The following SPAG16 variants were observed in gnomAD, a reference collection of about 807,000 sequenced individuals.
SPAG16 encodes sperm associated antigen 16, also known as sperm-associated antigen 16 protein.
A neutral mutation model predicts 80.4 loss-of-function variants in SPAG16; 86 were observed. The observed-to-expected ratio is 1.07, with a 90% CI of 0.90 to 1.28. The LOEUF is 1.28. SPAG16 is among the 50% of genes most tolerant of loss of function. The pLI, the probability that SPAG16 is intolerant of heterozygous loss-of-function variation, is 0.00. For synonymous variants in SPAG16, 294 were observed against 265.9 expected (o/e 1.11, Z -1.03); for missense variants, 870 against 765.3 (o/e 1.14, Z -1.61).
intron 10 of SPAG16, among the ~76,000 whole-genome samples, chr2:213,776,014 G>C (rs1004318117): frequency 2.0e-5 from 3 of 152,132 alleles, no homozygotes; most frequent in African/African-American, 7.2e-5. Flanking sequence ...ATGTAAACTA[G>C]ATAAAGAAAG....
At chr2:213,951,430 G>C (rs1401420155) in intron 12 of SPAG16, among the ~76,000 whole-genome samples, 1 of 152,114 alleles carries the variant, frequency 6.6e-6, no homozygotes, top group Non-Finnish European at 1.5e-5. Context: ...TAAAGGTAGA[G>C]AAACATTCAA....
At chr2:213,613,121 T>C (rs1559309642) in intron 10 of SPAG16, among the ~76,000 whole-genome samples, 2 of 152,216 alleles carry the variant, frequency 1.3e-5, no homozygotes, top group African/African-American at 4.8e-5. Flanking sequence ...TAACCACTTA[T>C]AGTCCAAGCT....
At chr2:213,999,486 C>T (rs1313845505) in intron 12 of SPAG16, among the ~76,000 whole-genome samples, 1 of 152,218 alleles carries the variant, frequency 6.6e-6, no homozygotes, top group East Asian at 1.9e-4. Flanking sequence ...GCTGCAGGGG[C>T]AGGGTGCTCA....
chr2:214,043,262 A>G (rs1220756292), intron 13 of SPAG16, among the ~76,000 whole-genome samples: 1 of 152,046 alleles, frequency 6.6e-6, no homozygotes, highest in Non-Finnish European at 1.5e-5. Flanking sequence ...TTCCAGGGAG[A>G]AGAGCCTGAT....
intron 12 of SPAG16, among the ~76,000 whole-genome samples, chr2:213,986,900 A>C (rs796690220): frequency 2.8e-5 from 4 of 142,740 alleles, no homozygotes; most frequent in African/African-American, 1.0e-4. Flanking sequence ...GCAAAAAAAA[A>C]AAAAAAAAAA....
intron 11 of SPAG16, among the ~76,000 whole-genome samples, chr2:213,882,791 A>G (rs1006898219): frequency 5.9e-5 from 9 of 152,062 alleles, no homozygotes; most frequent in Non-Finnish European, 1.5e-5. Flanking sequence ...TTGCAATATT[A>G]TCCAGTTCTT....
chr2:213,862,453 C>T (rs766194810), intron 10 of SPAG16, 32 bp from the exon 11 acceptor site: 4 of 1,608,586 alleles, frequency 2.5e-6, no homozygotes. Context: ...CTATTATCTC[C>T]CCATAACTCT....
intron 13 of SPAG16, among the ~76,000 whole-genome samples, chr2:214,033,659 A>C (rs1334314636): frequency 6.7e-6 from 1 of 149,296 alleles, no homozygotes; most frequent in African/African-American, 2.5e-5. Flanking sequence ...CTTCACCCAG[A>C]TTTCCCAAGT....
intron 12 of SPAG16, among the ~76,000 whole-genome samples, chr2:213,939,482 A>C (rs574976818): frequency 6.6e-6 from 1 of 152,316 alleles, no homozygotes; most frequent in South Asian, 2.1e-4. Flanking sequence ...CTAGTTCTCT[A>C]TTAACGGAAA....
intron 9 of SPAG16, among the ~76,000 whole-genome samples, chr2:213,488,445 G>A (rs750271408): frequency 6.6e-6 from 1 of 152,088 alleles, no homozygotes; most frequent in South Asian, 2.1e-4. Flanking sequence ...TTAGTGAAGT[G>A]CAGATTTATA....
chr2:213,577,082 C>T (rs1168256868), intron 10 of SPAG16, among the ~76,000 whole-genome samples: 1 of 151,992 alleles, frequency 6.6e-6, no homozygotes, highest in Non-Finnish European at 1.5e-5. Flanking sequence ...TAAAAACAAC[C>T]CACAAAATTT....
At chr2:213,391,133 T>C (rs2067728770) in intron 9 of SPAG16, among the ~76,000 whole-genome samples, 1 of 152,156 alleles carries the variant, frequency 6.6e-6, no homozygotes, top group Non-Finnish European at 1.5e-5. Context: ...CTGGGCATGG[T>C]GGCACGTGCC....
At chr2:213,592,987 C>T (rs963670176) in intron 10 of SPAG16, among the ~76,000 whole-genome samples, 3 of 152,020 alleles carry the variant, frequency 2.0e-5, no homozygotes, top group Non-Finnish European at 4.4e-5. Context: ...AAATACCACC[C>T]CCACCCCACC....
At chr2:213,824,166 G>T (rs563492525) in intron 10 of SPAG16, among the ~76,000 whole-genome samples, 1 of 152,308 alleles carries the variant, frequency 6.6e-6, no homozygotes, top group East Asian at 1.9e-4. Context: ...TTACTGAATA[G>T]GAGATCCTTT....
chr2:213,476,738 G>A (rs1045639030), intron 9 of SPAG16, among the ~76,000 whole-genome samples: 5 of 152,132 alleles, frequency 3.3e-5, no homozygotes, highest in South Asian at 4.1e-4. Flanking sequence ...AGGAGGGAGC[G>A]GGGCCCAGTG....
At chr2:213,340,858 A>G (rs534192213) in intron 6 of SPAG16, among the ~76,000 whole-genome samples, 3 of 152,104 alleles carry the variant, frequency 2.0e-5, no homozygotes, top group African/African-American at 4.8e-5. Flanking sequence ...TAAATTTACA[A>G]TCCTTAAATA....
At chr2:213,656,652 G>A (rs1431334675) in intron 10 of SPAG16, among the ~76,000 whole-genome samples, 1 of 152,110 alleles carries the variant, frequency 6.6e-6, no homozygotes, top group Admixed American at 6.5e-5. Flanking sequence ...TTTTGGTTTT[G>A]CTCAACTATC....
chr2:213,839,491 T>A (rs2074263053), intron 10 of SPAG16, among the ~76,000 whole-genome samples: 1 of 152,228 alleles, frequency 6.6e-6, no homozygotes, highest in Non-Finnish European at 1.5e-5. Flanking sequence ...CACAAGATCT[T>A]AGGAGTGACT....
At chr2:213,677,061 C>G (rs1360553066) in intron 10 of SPAG16, among the ~76,000 whole-genome samples, 3 of 152,050 alleles carry the variant, frequency 2.0e-5, no homozygotes, top group African/African-American at 7.2e-5. Flanking sequence ...CATTTCAGCT[C>G]CTGTTATTGG....
Sources: allele counts gnomAD v4.1 joint callset (sites outside exome capture counted in the v4.1 genomes callset), GRCh38; gene constraint gnomAD v4.1.1; transcripts MANE v1.5; gene names NCBI Gene and HGNC (gene_info 2026-07-23, HGNC 2026-07-21).